VDAC1: variants seen among roughly 807,000 people sequenced by gnomAD.
The protein encoded by VDAC1 is voltage dependent anion channel 1, also known as non-selective voltage-gated ion channel VDAC1.
Under a neutral mutation model 34.7 loss-of-function variants are expected in VDAC1, and 10 were observed. The ratio of observed to expected loss-of-function variants is 0.29; its 90% CI spans 0.18 to 0.49. The LOEUF (loss-of-function observed/expected upper bound fraction) is 0.49, where lower values mean the gene tolerates loss of function less well. Among genes scored for constraint, VDAC1 ranks in the 20% least tolerant of loss-of-function variants. The pLI, the probability that VDAC1 is intolerant of heterozygous loss-of-function variation, is 0.99. For missense variants in VDAC1, 230 were observed against 347.9 expected, an observed-to-expected ratio of 0.66 and a Z score of 2.69; for synonymous variants, 130 against 136.0, an observed-to-expected ratio of 0.96 and a Z score of 0.30.
At chr5:134,106,715 ATCTTAC>A in the VDAC1 span, among the ~76,000 whole-genome samples, 1 of 152,088 alleles carries the variant, frequency 6.6e-6, no homozygotes, top group Admixed American at 6.5e-5. Flanking sequence ...CCGTCATCCT[ATCTTAC>A]AGATGATACC....
the VDAC1 span, among the ~76,000 whole-genome samples, chr5:134,098,027 G>A: frequency 2.6e-4 from 39 of 151,614 alleles, 1 homozygote; most frequent in East Asian, 3.9e-4. Context: ...CTGCCAGCAC[G>A]CCTGGCTAAT....
chr5:133,993,536 C>T (rs1407881821), intron 1 of VDAC1, among the ~76,000 whole-genome samples: 1 of 152,196 alleles, frequency 6.6e-6, no homozygotes, highest in Non-Finnish European at 1.5e-5. Context: ...CTACTATATG[C>T]CAGGATGGGC....
chr5:134,063,701 A>T, the VDAC1 span, among the ~76,000 whole-genome samples: 1 of 152,216 alleles, frequency 6.6e-6, no homozygotes, highest in Admixed American at 6.5e-5. Flanking sequence ...GAGCTGCCAG[A>T]TGGTGGTCAC....
intron 5 of VDAC1, among the ~76,000 whole-genome samples, chr5:133,981,580 T>C (rs1288016032): frequency 2.0e-5 from 3 of 152,182 alleles, no homozygotes; most frequent in Non-Finnish European, 2.9e-5. Context: ...GAAGTGTTAG[T>C]TAGCCAGACA....
the VDAC1 span, among the ~76,000 whole-genome samples, chr5:134,078,949 T>C: frequency 6.9e-6 from 1 of 145,140 alleles, no homozygotes; most frequent in South Asian, 2.2e-4. Flanking sequence ...CTGTGCCCGG[T>C]CTATTTTTTT....
chr5:134,047,461 G>C, the VDAC1 span, among the ~76,000 whole-genome samples: 2 of 152,282 alleles, frequency 1.3e-5, no homozygotes, highest in African/African-American at 2.4e-5. Context: ...CCTCAGAAAA[G>C]GACCATTCCT....
the VDAC1 span, among the ~76,000 whole-genome samples, chr5:134,098,932 C>A: frequency 1.1e-4 from 17 of 152,332 alleles, no homozygotes; most frequent in African/African-American, 3.4e-4. Context: ...AAGGCCGAAC[C>A]TGTTCAGGAG....
At chr5:134,006,365 T>G (rs973869681), upstream of VDAC1, among the ~76,000 whole-genome samples, 32 of 152,082 alleles carry the variant, frequency 2.1e-4, no homozygotes, top group African/African-American at 7.7e-4. Context: ...TAGGAACAGA[T>G]GCCGGTGCAA....
the VDAC1 span, among the ~76,000 whole-genome samples, chr5:134,100,048 T>C: frequency 2.1e-4 from 32 of 152,260 alleles, no homozygotes; most frequent in Non-Finnish European, 4.3e-4. Context: ...CTTATGTGGC[T>C]GGCCCTGTGC....
the VDAC1 span, among the ~76,000 whole-genome samples, chr5:134,049,723 G>A: frequency 6.6e-6 from 1 of 152,092 alleles, no homozygotes; most frequent in East Asian, 1.9e-4. Context: ...GGGAATACAG[G>A]CGCCCACCAC....
At chr5:134,084,492 C>T in the VDAC1 span, among the ~76,000 whole-genome samples, 1 of 152,230 alleles carries the variant, frequency 6.6e-6, no homozygotes, top group Non-Finnish European at 1.5e-5. Flanking sequence ...GAATGCTTGG[C>T]CCTCCAGGGT....
the VDAC1 span, among the ~76,000 whole-genome samples, chr5:134,032,125 A>C: frequency 2.8e-5 from 3 of 107,258 alleles, no homozygotes; most frequent in South Asian, 9.1e-4. Flanking sequence ...TCTGCCTCAC[A>C]AAAAAAAAAA....
intron 5 of VDAC1, among the ~76,000 whole-genome samples, chr5:133,983,254 A>G (rs1752769618): frequency 6.6e-6 from 1 of 152,006 alleles, no homozygotes; most frequent in Admixed American, 6.6e-5. Context: ...ATCTTTAAAA[A>G]AAAAAAAAAA....
chr5:134,045,285 A>G, the VDAC1 span, among the ~76,000 whole-genome samples: 47 of 152,368 alleles, frequency 3.1e-4, no homozygotes, highest in East Asian at 8.5e-3. Context: ...ATCTACAGAG[A>G]GGACAGCTGA....
At chr5:133,980,018 G>T (rs28517596) in intron 6 of VDAC1, among the ~76,000 whole-genome samples, 2,331 of 152,240 alleles carry the variant, frequency 0.015, 53 homozygotes, top group African/African-American at 0.054. Flanking sequence ...TTTGCCTTAA[G>T]TTTAAGAAGT....
chr5:134,071,649 T>A, the VDAC1 span, among the ~76,000 whole-genome samples: 8 of 152,216 alleles, frequency 5.3e-5, no homozygotes, highest in African/African-American at 1.7e-4. The surrounding 1 kb of genome is among the most constrained non-coding windows in gnomAD (Gnocchi z 4.1). Flanking sequence ...GGGGTGAGTG[T>A]CTTGAAAGAA....
chr5:134,019,989 G>A, the VDAC1 span, among the ~76,000 whole-genome samples: 3 of 152,070 alleles, frequency 2.0e-5, no homozygotes. Flanking sequence ...GTTGGCTAAT[G>A]AGCTCGCAAG....
At chr5:134,089,287 C>T in the VDAC1 span, among the ~76,000 whole-genome samples, 1 of 152,236 alleles carries the variant, frequency 6.6e-6, no homozygotes, top group Non-Finnish European at 1.5e-5. Flanking sequence ...TAATCTATGG[C>T]TGCTCTGCCA....
chr5:134,098,169 CTTATTATTATTATTATTATTA>C, the VDAC1 span, among the ~76,000 whole-genome samples: 15 of 146,868 alleles, frequency 1.0e-4, no homozygotes, highest in Non-Finnish European at 1.3e-4. Flanking sequence ...CCATGCCCTG[CTTATTATTATTATTATTATTA>C]TTATTATTAT....
Sources: gnomAD v4.1 joint callset for allele counts (sites outside exome capture counted in the v4.1 genomes callset) on GRCh38, gnomAD v4.1.1 for gene constraint, Gnocchi (gnomAD v3.1) non-coding constraint, MANE v1.5 for transcripts, NCBI Gene and HGNC (gene_info 2026-07-23, HGNC 2026-07-21) for gene names.